The following KAZN variants were observed in gnomAD, a reference collection of about 807,000 sequenced individuals.
KAZN encodes the protein kazrin, periplakin interacting protein, also known as kazrin.
Under a neutral mutation model 87.4 loss-of-function variants are expected in KAZN, and 40 were observed. That is an observed-to-expected ratio of 0.46 (90% CI 0.36 to 0.60). The LOEUF (loss-of-function observed/expected upper bound fraction) is 0.60, where lower values mean the gene tolerates loss of function less well. Ranked by LOEUF, KAZN falls within the 20% of genes least tolerant of loss-of-function variation. The pLI is 0.00. For synonymous variants in KAZN, 466 were observed against 458.3 expected (o/e 1.02, Z -0.22); for missense variants, 898 against 1,073.9 (o/e 0.84, Z 2.29).
intron 8 of KAZN, among the ~76,000 whole-genome samples, chr1:15,089,732 CAAAAAA>C (rs56260619): frequency 3.2e-4 from 22 of 68,908 alleles, no homozygotes; most frequent in African/African-American, 5.4e-4. Context: ...CTTTTATTGG[CAAAAAA>C]AAAAAAAAAA....
chr1:14,528,978 T>A (rs1672062575), intron 2 of KAZN, among the ~76,000 whole-genome samples: 1 of 151,976 alleles, frequency 6.6e-6, no homozygotes, highest in Admixed American at 6.5e-5. Context: ...CCAGTTATCT[T>A]TATTCTAACA....
chr1:14,598,972 C>G lies in KAZN; in HGVS notation c.-26C>G. On this transcript the variant is annotated 5_prime_UTR_variant, in exon 1 of 15. Transcript: ENST00000376030. This position sits in a 1 kb window ranked among gnomAD's most constrained non-coding sequence, Gnocchi z 4.2. ...CATCATGCAGCTCTTTGTCACCTCT[C>G]TCGCCCCCAGGCCAAAATCCTGAGC... The G allele has an allele frequency of 6.4e-7, 1 of 1,565,532 alleles. No individual in the cohort carries two copies. Among genetic ancestry groups the G allele is most frequent in the Non-Finnish European group, 8.6e-7 (1 of 1,159,520 alleles).
intron 6 of KAZN, 184 bp downstream of exon 6, chr1:15,060,486 A>T: frequency 1.2e-6 from 1 of 810,330 alleles, no homozygotes; most frequent in South Asian, 1.8e-5. Flanking sequence ...AGAAAAAGGA[A>T]TGAGGCCCGT....
chr1:14,042,262 C>G (rs748755616), intron 1 of KAZN, among the ~76,000 whole-genome samples: 2 of 151,996 alleles, frequency 1.3e-5, no homozygotes, highest in South Asian at 2.1e-4. Context: ...GATTCCAGAA[C>G]CTTCTAGTTT....
chr1:14,032,187 A>G (rs1010539287), intron 1 of KAZN, among the ~76,000 whole-genome samples: 1 of 152,322 alleles, frequency 6.6e-6, no homozygotes, highest in South Asian at 2.1e-4. Context: ...GAACCCAATT[A>G]TTTCTCATAA....
At chr1:14,105,712 A>T (rs541307079) in intron 1 of KAZN, among the ~76,000 whole-genome samples, 8 of 152,354 alleles carry the variant, frequency 5.3e-5, no homozygotes, top group African/African-American at 1.9e-4. Context: ...ATGGAGTTCC[A>T]TGACCTAGTG....
intron 1 of KAZN, among the ~76,000 whole-genome samples, chr1:14,671,568 C>T (rs1468003264): frequency 6.6e-6 from 1 of 152,186 alleles, no homozygotes; most frequent in Non-Finnish European, 1.5e-5. Context: ...GATAGGCCCA[C>T]CACTTATTTA....
rs766440459 is a variant in KAZN at position 15,094,146 on chromosome 1, G to A, written c.1223-34G>A. 12 of 1,598,436 alleles carry A rather than the reference G, an allele frequency of 7.5e-6. No homozygotes were observed. The highest frequency in any genetic ancestry group is 2.1e-4 in the Middle Eastern group (1 of 4,848). ...CCCAGCCCCTGCCCCCAGCAGCCTC[G>A]TCCCCCAGCATGGCCTGCACTTGTG... On this transcript the variant is annotated intron_variant, in intron 8 of 14. Transcript: ENST00000376030. The surrounding 1 kb of genome is among the most constrained non-coding windows in gnomAD (Gnocchi z 4.5).
chr1:14,939,582 T>C (rs1269447497), intron 1 of KAZN, among the ~76,000 whole-genome samples: 1 of 152,168 alleles, frequency 6.6e-6, no homozygotes, highest in Non-Finnish European at 1.5e-5. Flanking sequence ...CAGTGATGTT[T>C]ATTAAGCATG....
At chr1:14,090,802 G>A (rs554626208) in intron 1 of KAZN, among the ~76,000 whole-genome samples, 22 of 152,204 alleles carry the variant, frequency 1.4e-4, no homozygotes, top group African/African-American at 5.1e-4. Context: ...TGTGAACACA[G>A]ATCAATGCTC....
chr1:14,438,058 A>T (rs1017029206), intron 2 of KAZN, among the ~76,000 whole-genome samples: 9 of 150,876 alleles, frequency 6.0e-5, no homozygotes, highest in Non-Finnish European at 1.2e-4. Context: ...CCACCAGTTA[A>T]ACTTCAAGAA....
At chr1:14,414,673 T>C (rs1352294059) in intron 2 of KAZN, among the ~76,000 whole-genome samples, 1 of 152,038 alleles carries the variant, frequency 6.6e-6, no homozygotes, top group African/African-American at 2.4e-5. Flanking sequence ...TAGAAAACCA[T>C]ACATAGGGAT....
At chr1:15,019,076 C>A (rs1446964303) in intron 2 of KAZN, among the ~76,000 whole-genome samples, 12 of 152,132 alleles carry the variant, frequency 7.9e-5, no homozygotes, top group Admixed American at 7.9e-4. Context: ...TCATCTTATC[C>A]CAGCAGCCAT....
intron 1 of KAZN, among the ~76,000 whole-genome samples, chr1:14,000,283 A>G (rs1311701314): frequency 6.6e-6 from 1 of 152,254 alleles, no homozygotes; most frequent in Non-Finnish European, 1.5e-5. Flanking sequence ...ATGAACATCG[A>G]TGCAAAAATC....
intron 2 of KAZN, among the ~76,000 whole-genome samples, chr1:14,276,192 TG>T (rs1652341331): frequency 6.6e-6 from 1 of 151,078 alleles, no homozygotes; most frequent in Non-Finnish European, 1.5e-5. Context: ...TGTGTGTGTG[TG>T]TGTGTGTGTA....
chr1:14,350,569 T>C (rs1331271304), intron 2 of KAZN, among the ~76,000 whole-genome samples: 5 of 152,186 alleles, frequency 3.3e-5, no homozygotes, highest in African/African-American at 7.2e-5. Flanking sequence ...AGGGTGCTAC[T>C]GGTATCTGGC....
At chr1:15,044,991 G>T (rs146395969) in intron 4 of KAZN, among the ~76,000 whole-genome samples, 175 of 152,192 alleles carry the variant, frequency 1.1e-3, no homozygotes, top group African/African-American at 3.6e-3. Flanking sequence ...CAGACACTTT[G>T]TTTTCCCAGG....
chr1:15,013,491 T>C (rs1026928729), intron 2 of KAZN, among the ~76,000 whole-genome samples: 5 of 152,276 alleles, frequency 3.3e-5, no homozygotes, highest in African/African-American at 4.8e-5. Context: ...CGGTGGCTCA[T>C]GCCTGTAATC....
At chr1:14,659,007 G>A (rs1021292150) in intron 1 of KAZN, among the ~76,000 whole-genome samples, 1 of 152,184 alleles carries the variant, frequency 6.6e-6, no homozygotes, top group Non-Finnish European at 1.5e-5. Context: ...AAGAGGCCGA[G>A]GTGGGAGGAT....
Sources: gnomAD v4.1 joint callset for allele counts (sites outside exome capture counted in the v4.1 genomes callset) on GRCh38, gnomAD v4.1.1 for gene constraint, Gnocchi (gnomAD v3.1) non-coding constraint, MANE v1.5 for transcripts, NCBI Gene and HGNC (gene_info 2026-07-23, HGNC 2026-07-21) for gene names.